SEMA5A: variants seen among roughly 807,000 people sequenced by gnomAD.
SEMA5A encodes the protein semaphorin-5A.
SEMA5A carries 55 observed loss-of-function variants against 135.5 expected under a neutral mutation model. That is an observed-to-expected ratio of 0.41 (90% confidence interval 0.33 to 0.51). The LOEUF is 0.51. SEMA5A is among the 20% of genes least tolerant of loss of function. The pLI is 0.37. For synonymous variants in SEMA5A, 580 were observed against 546.5 expected (o/e 1.06, Z -0.85); for missense variants, 1,290 against 1,419.9 (o/e 0.91, Z 1.47).
intron 11 of SEMA5A, among the ~76,000 whole-genome samples, chr5:9,165,949 T>C (rs1026878288): frequency 6.6e-6 from 1 of 152,104 alleles, no homozygotes. Context: ...TACATTTATA[T>C]AGAAAAGGAG....
chr5:9,372,403 C>T (rs1014860722), intron 3 of SEMA5A, among the ~76,000 whole-genome samples: 10 of 151,608 alleles, frequency 6.6e-5, no homozygotes, highest in African/African-American at 9.7e-5. Context: ...GAGATGTGGA[C>T]GTGCATGGAA....
chr5:9,348,857 T>A (rs1400174720), intron 3 of SEMA5A, among the ~76,000 whole-genome samples: 1 of 152,194 alleles, frequency 6.6e-6, no homozygotes, highest in African/African-American at 2.4e-5. Flanking sequence ...AGAGATTTCT[T>A]AGAGCCTTAG....
intron 2 of SEMA5A, among the ~76,000 whole-genome samples, chr5:9,426,655 C>T (rs1320202402): frequency 1.3e-5 from 2 of 151,986 alleles, no homozygotes; most frequent in Non-Finnish European, 2.9e-5. Context: ...TAAGAAAAGA[C>T]AAGAAAAGCT....
chr5:9,204,058 T>C lies in SEMA5A; in HGVS notation c.647-1818A>G, dbSNP rs114722214. On this transcript the variant is annotated intron_variant, in intron 8 of 22. Transcript: ENST00000382496. The surrounding 1 kb of genome is among the most constrained non-coding windows in gnomAD (Gnocchi z 6.4). The stretch of plus-strand genomic sequence containing the variant: ...ATGAAGCAGGCCCCAAAAGCAAAGA[T>C]ACGGAACAATTTCAAAACCATGTGT... Among the ~76,000 whole-genome samples the C allele has an allele frequency of 8.5e-4, 129 of 152,262 alleles. No homozygotes were observed. Among genetic ancestry groups the C allele is most frequent in the African/African-American group, 3.0e-3 (123 of 41,556 alleles).
At chr5:9,466,382 TAA>T (rs10608363) in intron 1 of SEMA5A, among the ~76,000 whole-genome samples, 115,313 of 143,058 alleles carry the variant, frequency 0.81, 46,389 homozygotes, top group Admixed American at 0.84. Context: ...TAATAAAATT[TAA>T]AAAAAAAAAA....
chr5:9,043,031 A>AC lies in SEMA5A; in HGVS notation c.3106-16_3106-15insG. ...TTGTTAAATGCCTGGAAAATATATT[A>AC]AAAAAAAACAGGTTTAAGAATGCTG... On this transcript the variant is annotated splice_polypyrimidine_tract_variant and intron_variant, in intron 22 of 22. Coordinates refer to ENST00000382496, the MANE Select transcript of SEMA5A (RefSeq NM_003966.3). The AC allele has an allele frequency of 7.0e-7, 1 of 1,436,064 alleles. No individual in the cohort carries two copies. Among genetic ancestry groups the AC allele is most frequent in the Non-Finnish European group, 9.1e-7 (1 of 1,094,582 alleles). 89.0% of individuals were successfully genotyped at this position (1,436,064 alleles called of 1,614,324 possible).
At chr5:9,426,428 AAAAT>A (rs1457798804) in intron 2 of SEMA5A, among the ~76,000 whole-genome samples, 4 of 143,016 alleles carry the variant, frequency 2.8e-5, no homozygotes, top group Admixed American at 7.4e-5. Flanking sequence ...CCATCTCAAA[AAAAT>A]AAATAAAATA....
intron 16 of SEMA5A, among the ~76,000 whole-genome samples, chr5:9,083,140 C>T (rs1050568606): frequency 1.2e-4 from 18 of 152,290 alleles, no homozygotes; most frequent in South Asian, 8.3e-4. Flanking sequence ...CTATGGTCAA[C>T]GTCCCTGTGA....
chr5:9,511,511 A>C (rs889639141), intron 1 of SEMA5A: 13 of 152,234 alleles, frequency 8.5e-5, no homozygotes, highest in Non-Finnish European at 1.8e-4. Flanking sequence ...TCCTGGAGAC[A>C]GCAGTCTTGA....
At chr5:9,498,348 A>G (rs1735406102) in intron 1 of SEMA5A, 2 of 152,224 alleles carry the variant, frequency 1.3e-5, no homozygotes, top group Admixed American at 1.3e-4. Context: ...TGTCACCACG[A>G]GGGGAAAAGG....
intron 1 of SEMA5A, among the ~76,000 whole-genome samples, chr5:9,465,834 C>T (rs1257015335): frequency 6.6e-6 from 1 of 152,122 alleles, no homozygotes; most frequent in Non-Finnish European, 1.5e-5. Flanking sequence ...GTTTTGGGTC[C>T]TTGGGAAAAA....
chr5:9,399,867 C>A (rs1305253710), intron 2 of SEMA5A, among the ~76,000 whole-genome samples: 3 of 152,038 alleles, frequency 2.0e-5, no homozygotes, highest in African/African-American at 4.8e-5. Flanking sequence ...ATATAGGAAG[C>A]TTTCCATAGT....
chr5:9,367,387 C>T lies in SEMA5A; in HGVS notation c.124+12436G>A, dbSNP rs529153688. On this transcript the variant is annotated intron_variant, in intron 3 of 22. Transcript: ENST00000382496. ...GAAGGATCACCTATAGAAAACTCAC[C>T]CTGAAAAGGTAAAAGAAGAATTGCA... 61 of 152,214 alleles carry T rather than the reference C, an allele frequency of 4.0e-4. 1 individual carries two copies. The highest frequency in any genetic ancestry group is 1.3e-3 in the African/African-American group (55 of 41,542). The allele number at this position is 152,214 out of a possible 1,614,324, so 9.4% of individuals were successfully genotyped here. A position where few individuals can be genotyped will look rare whatever the true frequency, so the allele number is the denominator to read the frequency against.
At chr5:9,385,702 C>T (rs965732144) in intron 2 of SEMA5A, among the ~76,000 whole-genome samples, 1 of 151,514 alleles carries the variant, frequency 6.6e-6, no homozygotes, top group Admixed American at 6.6e-5. Context: ...GCGATTGCTG[C>T]ATGTGTGTCT....
chr5:9,190,160 A>T, intron 11 of SEMA5A, 107 bp downstream of exon 11: 1 of 1,177,602 alleles, frequency 8.5e-7, no homozygotes. Context: ...GCAAAAAGAG[A>T]CATCAGGCGT....
chr5:9,135,428 G>T (rs61181903), intron 13 of SEMA5A, among the ~76,000 whole-genome samples: 1 of 151,682 alleles, frequency 6.6e-6, no homozygotes, highest in East Asian at 2.0e-4. Context: ...TGATCCACCT[G>T]CCTCGGCCTC....
intron 2 of SEMA5A, among the ~76,000 whole-genome samples, chr5:9,414,556 A>G (rs1403021191): frequency 1.3e-5 from 2 of 152,198 alleles, no homozygotes; most frequent in African/African-American, 4.8e-5. Flanking sequence ...TCTGCTTTCT[A>G]CCAGTCATAA....
intron 9 of SEMA5A, among the ~76,000 whole-genome samples, chr5:9,201,162 A>G (rs1374178003): frequency 2.0e-5 from 3 of 152,210 alleles, no homozygotes; most frequent in African/African-American, 4.8e-5. Context: ...AGTGTGTAGG[A>G]AAGTGATGCT....
chr5:9,065,227 G>C (rs1737399471), intron 17 of SEMA5A, among the ~76,000 whole-genome samples: 1 of 152,194 alleles, frequency 6.6e-6, no homozygotes, highest in African/African-American at 2.4e-5. Flanking sequence ...GGCTTGTAAA[G>C]CAAGTGGCTC....
Sources: allele counts gnomAD v4.1 joint callset (sites outside exome capture counted in the v4.1 genomes callset), GRCh38; gene constraint gnomAD v4.1.1; non-coding constraint Gnocchi (gnomAD v3.1); transcripts MANE v1.5; gene names NCBI Gene and HGNC (gene_info 2026-07-23, HGNC 2026-07-21).